Variants in FBXW11 observed in about 807,000 individuals in gnomAD.
FBXW11 encodes the protein F-box and WD repeat domain containing 11.
FBXW11 carries 19 observed loss-of-function variants against 77.6 expected under a neutral mutation model. That is an observed-to-expected ratio of 0.24 (90% CI 0.17 to 0.36). The LOEUF (loss-of-function observed/expected upper bound fraction) is 0.36, where lower values mean the gene tolerates loss of function less well. Among genes scored for constraint, FBXW11 ranks in the 10% least tolerant of loss-of-function variants. The pLI is 1.00. For synonymous variants in FBXW11, 235 were observed against 249.4 expected, an observed-to-expected ratio of 0.94 and a Z score of 0.54; for missense variants, 334 against 704.2, an observed-to-expected ratio of 0.47 and a Z score of 5.95.
intron 1 of FBXW11, among the ~76,000 whole-genome samples, chr5:171,964,283 G>A (rs188045011): frequency 1.3e-5 from 2 of 152,314 alleles, no homozygotes; most frequent in African/African-American, 4.8e-5. Flanking sequence ...AACAAAGAGT[G>A]CCATGATAAT....
chr5:171,861,551 A>G lies in FBXW11; in HGVS notation c.*2576T>C, dbSNP rs569691982. 1 of 149,466 alleles carries G rather than the reference A, an allele frequency of 6.7e-6. No homozygotes were observed. Among genetic ancestry groups the G allele is most frequent in the Admixed American group, 6.6e-5 (1 of 15,144 alleles). The allele number at this position is 149,466 out of a possible 1,614,324, so 9.3% of individuals were successfully genotyped here. A position where few individuals can be genotyped will look rare whatever the true frequency, so the allele number is the denominator to read the frequency against. ...TTGAAAAATTTCTTAACAGAACGTC[A>G]GAGTATTGCAACACTTTATTAAGAG... On this transcript the variant is annotated 3_prime_UTR_variant, in exon 14 of 14. Transcript: ENST00000517395.
intron 4 of FBXW11, among the ~76,000 whole-genome samples, chr5:171,905,103 A>G (rs569115297): frequency 6.6e-6 from 1 of 152,264 alleles, no homozygotes; most frequent in East Asian, 1.9e-4. Context: ...GATTTGACCT[A>G]TTTCCTTTGT....
chr5:171,967,069 C>T (rs547950609), intron 1 of FBXW11, among the ~76,000 whole-genome samples: 5 of 152,258 alleles, frequency 3.3e-5, no homozygotes, highest in Admixed American at 6.5e-5. Context: ...CATTAAACTC[C>T]GTAGAGCAGC....
chr5:171,954,663 A>G (rs1351061244), intron 2 of FBXW11, among the ~76,000 whole-genome samples: 2 of 152,192 alleles, frequency 1.3e-5, no homozygotes, highest in African/African-American at 4.8e-5. Flanking sequence ...TGCTCAGTAA[A>G]TATTTATGGA....
chr5:171,943,682 C>A (rs1762857911), intron 2 of FBXW11, among the ~76,000 whole-genome samples: 1 of 152,170 alleles, frequency 6.6e-6, no homozygotes, highest in African/African-American at 2.4e-5. Flanking sequence ...ATCTCCTGAC[C>A]TCATGATCCG....
At chr5:171,977,550 T>A (rs898305727) in intron 1 of FBXW11, 1 of 447,822 alleles carries the variant, frequency 2.2e-6, no homozygotes, top group Admixed American at 2.4e-5. Context: ...CGCAATACAT[T>A]TGTGTATCAG....
chr5:171,989,915 G>A (rs1765642690), intron 1 of FBXW11, among the ~76,000 whole-genome samples: 1 of 152,182 alleles, frequency 6.6e-6, no homozygotes, highest in Non-Finnish European at 1.5e-5. Context: ...ATATAATGTG[G>A]TTGTATACAC....
Position 171,878,051 on chromosome 5 carries a change from C to T in FBXW11, c.931G>A (p.Glu311Lys), listed in dbSNP as rs1461812840. Residue 311 changes from glutamate to lysine, a missense_variant, in exon 8 of 14, where the codon GAG becomes AAG. Coordinates refer to ENST00000517395, the MANE Select transcript of FBXW11 (RefSeq NM_001378974.1). ...GAAGAGCCAGTTACAATGACACGCT[C>T]ATCATACTGCAGACAGAGGACAGAG... ...TGSVLCLQYDERVIVTGSSDS... is the reference protein window; with the variant it reads ...TGSVLCLQYDKRVIVTGSSDS... The T allele has an allele frequency of 1.2e-6, 2 of 1,613,938 alleles. No individual in the cohort carries two copies. The highest frequency in any genetic ancestry group is 1.1e-5 in the South Asian group (1 of 91,078).
chr5:171,928,379 G>A (rs113457284), intron 2 of FBXW11, among the ~76,000 whole-genome samples: 1 of 152,112 alleles, frequency 6.6e-6, no homozygotes, highest in African/African-American at 2.4e-5. Context: ...TGTTTTTTGC[G>A]TAAGTAGCAA....
intron 2 of FBXW11, among the ~76,000 whole-genome samples, chr5:171,953,386 GGATAATTAA>G (rs1297750607): frequency 6.6e-6 from 1 of 152,074 alleles, no homozygotes; most frequent in Non-Finnish European, 1.5e-5. Flanking sequence ...GAGTGCTATA[GGATAATTAA>G]GATAATCAAC....
intron 2 of FBXW11, among the ~76,000 whole-genome samples, chr5:171,952,799 G>A (rs1431405750): frequency 2.6e-5 from 4 of 151,790 alleles, no homozygotes; most frequent in South Asian, 2.1e-4. Flanking sequence ...CCCCCAGGAC[G>A]GCTTTGAATG....
At chr5:171,958,084 C>T (rs1048793335) in intron 1 of FBXW11, among the ~76,000 whole-genome samples, 4 of 152,196 alleles carry the variant, frequency 2.6e-5, no homozygotes, top group Non-Finnish European at 5.9e-5. Context: ...TAATTGTCAT[C>T]GTTGTTTAAG....
At chr5:171,953,709 CAG>C (rs1443498460) in intron 2 of FBXW11, among the ~76,000 whole-genome samples, 1 of 152,036 alleles carries the variant, frequency 6.6e-6, no homozygotes, top group African/African-American at 2.4e-5. Context: ...GATGAGGAAA[CAG>C]GGGTTCGGGA....
intron 1 of FBXW11, among the ~76,000 whole-genome samples, chr5:171,976,851 A>G (rs1764852365): frequency 6.6e-6 from 1 of 152,080 alleles, no homozygotes; most frequent in Non-Finnish European, 1.5e-5. Context: ...ATTTGAGACT[A>G]GCCTGACCAA....
At chr5:171,914,209 G>T in intron 3 of FBXW11, 134 bp downstream of exon 3, 1 of 697,948 alleles carries the variant, frequency 1.4e-6, no homozygotes, top group South Asian at 1.9e-5. Flanking sequence ...AATTAGGGTG[G>T]ATTCTGAAAC....
rs982190319 is a variant in FBXW11 at position 171,881,121 on chromosome 5, GT to G, written c.853-2993del. Reference sequence around the variant, plus strand: ...TATAATCATTTATTAGTTCTAGGAGGTTTTTTTTGTTGATGCTTTCATTTTT... The same window carrying G: ...TATAATCATTTATTAGTTCTAGGAGGTTTTTTTGTTGATGCTTTCATTTTT... On this transcript the variant is annotated intron_variant, in intron 7 of 13. Transcript: ENST00000517395. Among the ~76,000 whole-genome samples the G allele has an allele frequency of 8.4e-4, 127 of 152,052 alleles. 1 individual carries two copies. The highest frequency in any genetic ancestry group is 3.0e-3 in the African/African-American group (123 of 41,492).
chr5:171,950,965 A>G (rs1156270916), intron 2 of FBXW11, among the ~76,000 whole-genome samples: 1 of 152,150 alleles, frequency 6.6e-6, no homozygotes, highest in Admixed American at 6.5e-5. Context: ...ATACCCTCCT[A>G]TGAACAAAGA....
chr5:171,976,365 C>A (rs1045302618), intron 1 of FBXW11, among the ~76,000 whole-genome samples: 1 of 152,054 alleles, frequency 6.6e-6, no homozygotes, highest in African/African-American at 2.4e-5. Flanking sequence ...GTAGAAATAG[C>A]CTTTTGATAT....
At chr5:171,989,045 T>C (rs1765597172) in intron 1 of FBXW11, among the ~76,000 whole-genome samples, 1 of 149,234 alleles carries the variant, frequency 6.7e-6, no homozygotes, top group Admixed American at 6.7e-5. Flanking sequence ...GGCGTGGTGG[T>C]ATGCACCTGT....
Sources: gnomAD v4.1 joint callset for allele counts (sites outside exome capture counted in the v4.1 genomes callset) on GRCh38, gnomAD v4.1.1 for gene constraint, MANE v1.5 for transcripts, NCBI Gene and HGNC (gene_info 2026-07-23, HGNC 2026-07-21) for gene names.